The following CDNF variants were observed in gnomAD, a reference collection of about 807,000 sequenced individuals.
CDNF encodes the protein ARMET-like protein 1.
In CDNF, 9 loss-of-function variants were observed where a neutral mutation model predicts 14.8. That is an observed-to-expected ratio of 0.61 (90% confidence interval 0.37 to 1.06). The LOEUF (loss-of-function observed/expected upper bound fraction) is 1.06, where lower values mean the gene tolerates loss of function less well. Among genes scored for constraint, CDNF ranks in the 50% least tolerant of loss-of-function variants. The pLI, the probability that CDNF is intolerant of heterozygous loss-of-function variation, is 0.01. For missense variants in CDNF, 228 were observed against 228.4 expected, an observed-to-expected ratio of 1.00 and a Z score of 0.01; for synonymous variants, 86 against 87.2, an observed-to-expected ratio of 0.99 and a Z score of 0.07.
At chr10:14,836,060 A>G (rs534122449) in intron 1 of CDNF, among the ~76,000 whole-genome samples, 1 of 152,362 alleles carries the variant, frequency 6.6e-6, no homozygotes, top group Admixed American at 6.5e-5. Context: ...GTAACGAAAC[A>G]TATCAATAGG....
chr10:14,834,368 A>T (rs1833869659), intron 1 of CDNF: 1 of 151,898 alleles, frequency 6.6e-6, no homozygotes, highest in South Asian at 2.1e-4. Context: ...AGAAAAAGAA[A>T]CTATCATCAA....
intron 1 of CDNF, among the ~76,000 whole-genome samples, chr10:14,830,004 G>A (rs1278482398): frequency 2.6e-5 from 4 of 152,046 alleles, no homozygotes; most frequent in African/African-American, 4.8e-5. Flanking sequence ...CTTATTTTGC[G>A]CCACACGATA....
At chr10:14,826,461 A>AAAGAAGCAGAAG (rs1833796109) in intron 2 of CDNF, among the ~76,000 whole-genome samples, 1 of 143,938 alleles carries the variant, frequency 6.9e-6, no homozygotes, top group African/African-American at 2.8e-5. Context: ...GCAGAAGAAG[A>AAAGAAGCAGAAG]AAGAAGCAGA....
In CDNF at chr10:14,837,949, TG is replaced by T; in HGVS notation, c.-4del. The T allele has an allele frequency of 6.3e-7, 1 of 1,585,854 alleles. No homozygotes were observed. Among genetic ancestry groups the T allele is most frequent in the South Asian group, 1.1e-5 (1 of 87,734 alleles). ...GCAACTGGGCTCGCGCACCACATGC[TG>T]GGCCAGCAGCTTCAATCGCCTCCGC... is the stretch of plus-strand genomic sequence containing the variant. On this transcript the variant is annotated 5_prime_UTR_variant, in exon 1 of 4. Coordinates refer to ENST00000465530, the MANE Select transcript of CDNF (RefSeq NM_001029954.3).
chr10:14,835,551 C>T (rs1272508313), intron 1 of CDNF, among the ~76,000 whole-genome samples: 1 of 152,152 alleles, frequency 6.6e-6, no homozygotes, highest in Non-Finnish European at 1.5e-5. Flanking sequence ...AAATTAGTAG[C>T]TTCTTAAGTT....
intron 2 of CDNF, among the ~76,000 whole-genome samples, chr10:14,827,337 T>C (rs1339724475): frequency 6.6e-6 from 1 of 152,100 alleles, no homozygotes. Context: ...AATCTGACAA[T>C]TTTAGGGAAA....
In CDNF at chr10:14,825,630, A is replaced by G. The variant is rs1467269016; in HGVS notation, c.244-10T>C. 9.9e-6 allele frequency: 16 copies of G among 1,613,072 alleles called. No individual in the cohort carries two copies. Among genetic ancestry groups the G allele is most frequent in the African/African-American group, 1.3e-5 (1 of 74,888 alleles). On this transcript the variant is annotated splice_polypyrimidine_tract_variant and intron_variant, in intron 2 of 3. Transcript: ENST00000465530. ...CTCCTAGATAATAGCACTGAAGGAAAATGAAGAGAATTGAGTGTTCCAGAC... is the reference window on the plus strand; with the variant it reads ...CTCCTAGATAATAGCACTGAAGGAAGATGAAGAGAATTGAGTGTTCCAGAC...
At chr10:14,829,601 A>G (rs1462195100) in intron 1 of CDNF, among the ~76,000 whole-genome samples, 3 of 152,144 alleles carry the variant, frequency 2.0e-5, no homozygotes, top group East Asian at 3.9e-4. Context: ...GAAAATTTCA[A>G]TATCTGAAGT....
intron 1 of CDNF, 74 bp from the exon 2 acceptor site, chr10:14,828,346 C>G: frequency 6.8e-7 from 1 of 1,476,536 alleles, no homozygotes; most frequent in East Asian, 2.3e-5. Context: ...ACCCACTAAC[C>G]ACATTTAAAA....
At chr10:14,835,476 G>A (rs75555229) in intron 1 of CDNF, among the ~76,000 whole-genome samples, 3,079 of 152,210 alleles carry the variant, frequency 0.02, 114 homozygotes, top group African/African-American at 0.071. Flanking sequence ...AGAAGTCAAG[G>A]TAAGAAAGGA....
intron 1 of CDNF, among the ~76,000 whole-genome samples, chr10:14,829,124 GAATC>G (rs1833823035): frequency 6.6e-6 from 1 of 152,220 alleles, no homozygotes; most frequent in South Asian, 2.1e-4. Context: ...ACAGCATATT[GAATC>G]AATCAATCAT....
chr10:14,822,909 T>A (rs1462868310), intron 3 of CDNF, among the ~76,000 whole-genome samples: 1 of 152,240 alleles, frequency 6.6e-6, no homozygotes, highest in Non-Finnish European at 1.5e-5. Flanking sequence ...TTCCCTATCC[T>A]TTTTAAACAC....
chr10:14,825,601 G>A lies in CDNF; in HGVS notation c.263C>T (p.Thr88Ile), dbSNP rs1365055678. 1.9e-6 allele frequency: 3 copies of A among 1,613,982 alleles called. No homozygotes were observed. The highest frequency in any genetic ancestry group is 2.2e-5 in the East Asian group (1 of 44,872). Residue 88 changes from threonine (T) to isoleucine (I), a missense_variant, in exon 3 of 4, where the codon ACA becomes ATA. Coordinates refer to ENST00000465530, the MANE Select transcript of CDNF (RefSeq NM_001029954.3). ...ENRLCYYLGA[T>I]KDAATKILSE... The stretch of plus-strand genomic sequence containing the variant: ...TAGGATCTTTGTGGCTGCGTCTTTT[G>A]TGGCTCCTAGATAATAGCACTGAAG...
intron 3 of CDNF, among the ~76,000 whole-genome samples, chr10:14,820,894 C>T (rs1459369950): frequency 1.3e-5 from 2 of 152,118 alleles, no homozygotes; most frequent in Non-Finnish European, 2.9e-5. Context: ...CCTAGCTTTT[C>T]TCATGATAGT....
At chr10:14,823,365 G>A (rs185808931) in intron 3 of CDNF, among the ~76,000 whole-genome samples, 25 of 152,166 alleles carry the variant, frequency 1.6e-4, no homozygotes, top group Middle Eastern at 6.8e-3. Context: ...GGCCAGCATC[G>A]CCAAAACATT....
intron 3 of CDNF, among the ~76,000 whole-genome samples, chr10:14,824,514 G>C (rs58783228): frequency 0.062 from 9,397 of 150,452 alleles, 368 homozygotes; most frequent in East Asian, 0.12. Context: ...GCTCCGGCAG[G>C]AGAATCGCTT....
At chr10:14,826,014 C>A (rs12765949) in intron 2 of CDNF, among the ~76,000 whole-genome samples, 15,380 of 92,566 alleles carry the variant, frequency 0.17, 1,105 homozygotes, top group Middle Eastern at 0.2. Context: ...GAAGCAGAAG[C>A]AGAAGAAGAA....
rs1271350033 is a variant in CDNF, at chr10:14,819,420, A to C, written c.*560T>G. ...ACTTATACGGTTTCTTGATCTCTCT[A>C]TTTTCTTTAAGTAGGTTTAAGTGGG... On this transcript the variant is annotated 3_prime_UTR_variant, in exon 4 of 4. Transcript: ENST00000465530. The C allele has an allele frequency of 6.6e-6, 1 of 152,094 alleles. No individual in the cohort carries two copies. 9.4% of individuals were successfully genotyped at this position (152,094 alleles called of 1,614,324 possible).
chr10:14,837,764 CCAAAGCCGACAGCTGCTGCGCCG>C, intron 1 of CDNF, 45 bp downstream of exon 1: 1 of 953,640 alleles, frequency 1.0e-6, no homozygotes, highest in South Asian at 1.5e-5. Context: ...CCAGGAGAAG[CCAAAGCCGACAGCTGCTGCGCCG>C]CAGCGCGGGG....
Sources: allele counts gnomAD v4.1 joint callset (sites outside exome capture counted in the v4.1 genomes callset), GRCh38; gene constraint gnomAD v4.1.1; transcripts MANE v1.5; gene names NCBI Gene and HGNC (gene_info 2026-07-23, HGNC 2026-07-21).